Variants in TNRC18 observed in about 807,000 individuals in gnomAD.
TNRC18 encodes trinucleotide repeat-containing gene 18 protein.
TNRC18 carries 69 observed loss-of-function variants against 226.7 expected under a neutral mutation model. The observed-to-expected ratio is 0.30, with a 90% CI of 0.25 to 0.37. The LOEUF is 0.37. Ranked by LOEUF, TNRC18 falls within the 10% of genes least tolerant of loss-of-function variation. The pLI is 1.00. For missense variants in TNRC18, 4,754 were observed against 4,256.6 expected, an observed-to-expected ratio of 1.12 and a Z score of -3.25; for synonymous variants, 2,449 against 1,927.6, an observed-to-expected ratio of 1.27 and a Z score of -7.09.
Position 5,325,418 on chromosome 7 carries a change from G to GTT in TNRC18, c.6148-172_6148-171dup, listed in dbSNP as rs138438851. 444 of 589,122 alleles carry GTT rather than the reference G, an allele frequency of 7.5e-4. 1 individual carries two copies. Among genetic ancestry groups the GTT allele is most frequent in the African/African-American group, 3.1e-3 (151 of 48,192 alleles). The allele number at this position is 589,122 out of a possible 1,614,324, so 36.5% of individuals were successfully genotyped here. A position where few individuals can be genotyped will look rare whatever the true frequency, so the allele number is the denominator to read the frequency against. ...TTCCTGCAAGCGTTTTTGGTTTTGG[G>GTT]TTTTTTTTTGTTTTTTTTTTTTTGA... On this transcript the variant is annotated intron_variant, in intron 19 of 29. Coordinates refer to ENST00000430969, the MANE Select transcript of TNRC18 (RefSeq NM_001080495.3).
intron 29 of TNRC18, 144 bp from the exon 30 acceptor site, chr7:5,308,456 G>C (rs575806081): frequency 6.9e-5 from 51 of 738,540 alleles, no homozygotes; most frequent in African/African-American, 6.3e-4. Flanking sequence ...GGCTGAGTAA[G>C]AGACAGACCA....
chr7:5,365,706 A>G (rs6965837), intron 11 of TNRC18, among the ~76,000 whole-genome samples: 110,198 of 151,706 alleles, frequency 0.73, 41,304 homozygotes, highest in African/African-American at 0.92. Context: ...CTTCTGCCGC[A>G]GCCTCCCAAA....
chr7:5,412,575 C>CA (rs1450152858), intron 2 of TNRC18, among the ~76,000 whole-genome samples: 2 of 149,872 alleles, frequency 1.3e-5, no homozygotes, highest in Non-Finnish European at 2.9e-5. Flanking sequence ...GACACTGTCT[C>CA]AAAAAAATAA....
chr7:5,403,896 G>A (rs1781284507), intron 2 of TNRC18, among the ~76,000 whole-genome samples: 1 of 152,050 alleles, frequency 6.6e-6, no homozygotes, highest in Admixed American at 6.6e-5. Flanking sequence ...CATTATTCTG[G>A]CCCTAAACAC....
chr7:5,377,690 A>T lies in TNRC18; in HGVS notation c.2256-114T>A. The T allele has an allele frequency of 8.3e-7, 1 of 1,205,934 alleles. No homozygotes were observed. Among genetic ancestry groups the T allele is most frequent in the Non-Finnish European group, 1.2e-6 (1 of 860,852 alleles). The allele number at this position is 1,205,934 out of a possible 1,614,324, so 74.7% of individuals were successfully genotyped here. A position where few individuals can be genotyped will look rare whatever the true frequency, so the allele number is the denominator to read the frequency against. On this transcript the variant is annotated intron_variant, in intron 6 of 29. Coordinates refer to ENST00000430969, the MANE Select transcript of TNRC18 (RefSeq NM_001080495.3). This position sits in a 1 kb window ranked among gnomAD's most constrained non-coding sequence, Gnocchi z 5.8. ...CACCAGGCCATGAGTCAGGACAACC[A>T]CTGCTCGGAACTGAAGGGCCTCCCG...
chr7:5,405,891 C>T (rs778700642), intron 2 of TNRC18, among the ~76,000 whole-genome samples: 6 of 152,164 alleles, frequency 3.9e-5, no homozygotes, highest in Admixed American at 2.0e-4. Context: ...TCAAGAGACC[C>T]GTTTCTATTT....
chr7:5,380,904 A>C (rs1467270282), intron 5 of TNRC18, among the ~76,000 whole-genome samples: 1 of 152,078 alleles, frequency 6.6e-6, no homozygotes, highest in African/African-American at 2.4e-5. Flanking sequence ...TGAGGGGGCC[A>C]CCCTCACGCC....
Position 5,388,138 on chromosome 7 carries a change from C to G in TNRC18, c.1686G>C (p.Ala562=), listed in dbSNP as rs1418140491. 6.4e-7 allele frequency: 1 copy of G among 1,558,368 alleles called. No individual in the cohort carries two copies. The highest frequency in any genetic ancestry group is 1.2e-5 in the South Asian group (1 of 85,078). Residue 562 remains alanine (A), a synonymous_variant, in exon 5 of 30, where the codon GCG becomes GCC. Coordinates refer to ENST00000430969, the MANE Select transcript of TNRC18 (RefSeq NM_001080495.3). Reference sequence around the variant, plus strand: ...CAGCGACCGGCCGGCCGCAGGTGGCCGCCGAGCGGGGCAGCACAGCCCCAG... The same window carrying G: ...CAGCGACCGGCCGGCCGCAGGTGGCGGCCGAGCGGGGCAGCACAGCCCCAG... ...LDPGAVLPRS[A]ATCGRPVADM... is the part of the protein sequence containing the mutation.
In TNRC18 at chr7:5,324,940, T is replaced by C. The variant is rs1214269968; in HGVS notation, c.6300+156A>G. 6.6e-6 allele frequency among the ~76,000 whole-genome samples: 1 copy of C among 151,802 alleles called. No individual in the cohort carries two copies. The highest frequency in any genetic ancestry group is 1.5e-5 in the Non-Finnish European group (1 of 67,952). ...CCCCAGTATCTCCTTATCCCTGGAG[T>C]GTGGGGACGGCCACATCACCCTCGT... is the stretch of plus-strand genomic sequence containing the variant. On this transcript the variant is annotated intron_variant, in intron 20 of 29. Coordinates refer to ENST00000430969, the MANE Select transcript of TNRC18 (RefSeq NM_001080495.3). This position sits in a 1 kb window ranked among gnomAD's most constrained non-coding sequence, Gnocchi z 4.8.
At chr7:5,414,336 A>AT (rs1266347610) in intron 2 of TNRC18, among the ~76,000 whole-genome samples, 4 of 150,476 alleles carry the variant, frequency 2.7e-5, no homozygotes, top group Admixed American at 2.0e-4. Context: ...TAAAATAGAT[A>AT]TTTTTTCTTT....
At position 5,307,680 on chromosome 7, in the gene TNRC18, G is replaced by A. The variant is rs769538031; in HGVS notation, c.*426C>T. Reference sequence around the variant, plus strand: ...GTGGGCTCCATGCTAAGGGTGCTTGGGAAGCCCAGAGTGAGCGTCAGTTTG... The same window carrying A: ...GTGGGCTCCATGCTAAGGGTGCTTGAGAAGCCCAGAGTGAGCGTCAGTTTG... On this transcript the variant is annotated 3_prime_UTR_variant, in exon 30 of 30. Transcript: ENST00000430969. 3 of 339,582 alleles carry A rather than the reference G, an allele frequency of 8.8e-6. No individual in the cohort carries two copies. The highest frequency in any genetic ancestry group is 6.5e-5 in the South Asian group (3 of 45,936). The allele number at this position is 339,582 out of a possible 1,614,324, so 21.0% of individuals were successfully genotyped here. A position where few individuals can be genotyped will look rare whatever the true frequency, so the allele number is the denominator to read the frequency against.
At chr7:5,342,507 G>A (rs921630758) in intron 18 of TNRC18, among the ~76,000 whole-genome samples, 1 of 152,170 alleles carries the variant, frequency 6.6e-6, no homozygotes, top group Admixed American at 6.6e-5. Flanking sequence ...TTCACTGGAG[G>A]AAGTTACTGC....
rs1554297479 is a variant in TNRC18, at chr7:5,389,461, G to GGTTTTTTTTTTTTTTTT, written c.488-126_488-125insAAAAAAAAAAAAAAAAC. 41 of 565,558 alleles carry GGTTTTTTTTTTTTTTTT rather than the reference G, an allele frequency of 7.2e-5. No homozygotes were observed. The African/African-American group carries it at 1.0e-3, about 14-fold the overall frequency. 35.0% of individuals were successfully genotyped at this position (565,558 alleles called of 1,614,324 possible). A position where few individuals can be genotyped will look rare whatever the true frequency, so the allele number is the denominator to read the frequency against. ...TGCCTCCCCCAGTGTTTTGGTTTTG[G>GGTTTTTTTTTTTTTTTT]TTTTTTTTTTCAGAAAGAGTCTCGC... On this transcript the variant is annotated intron_variant, in intron 4 of 29. Transcript: ENST00000430969.
chr7:5,368,218 G>C (rs1179593585), intron 11 of TNRC18, among the ~76,000 whole-genome samples: 3 of 151,546 alleles, frequency 2.0e-5, no homozygotes, highest in East Asian at 3.9e-4. Flanking sequence ...TGTAATCCCA[G>C]CAATTTGGGA....
In TNRC18 at chr7:5,374,315, A is replaced by G. The variant is rs1794431562; in HGVS notation, c.2969T>C (p.Val990Ala). Residue 990 changes from valine (V) to alanine (A), a missense_variant, in exon 10 of 30, where the codon GTG becomes GCG. Coordinates refer to ENST00000430969, the MANE Select transcript of TNRC18 (RefSeq NM_001080495.3). ...AGPAGTYGKA[V>A]SPPPSPRASP... Reference sequence around the variant, plus strand: ...TGCGCGGGGTGATGGTGGCGGGCTCACGGCCTTGCCGTAGGTGCCCGCGGG... The same window carrying G: ...TGCGCGGGGTGATGGTGGCGGGCTCGCGGCCTTGCCGTAGGTGCCCGCGGG... 2 of 1,436,900 alleles carry G rather than the reference A, an allele frequency of 1.4e-6. No homozygotes were observed. Among genetic ancestry groups the G allele is most frequent in the East Asian group, 2.9e-5 (1 of 34,988 alleles). The allele number at this position is 1,436,900 out of a possible 1,614,324, so 89.0% of individuals were successfully genotyped here.
intron 17 of TNRC18, among the ~76,000 whole-genome samples, chr7:5,348,017 C>T (rs958646738): frequency 2.0e-5 from 3 of 152,184 alleles, no homozygotes; most frequent in African/African-American, 4.8e-5. Context: ...CCTCTCTGGT[C>T]GGTGACTTAA....
rs188474881 is a variant in TNRC18 at position 5,374,953 on chromosome 7, G to A, written c.2800-469C>T. On this transcript the variant is annotated intron_variant, in intron 9 of 29. Coordinates refer to ENST00000430969, the MANE Select transcript of TNRC18 (RefSeq NM_001080495.3). The stretch of plus-strand genomic sequence containing the variant: ...AGGAAGCCAGGCATGTCTTTTATGA[G>A]GAAATGGGAGGGAGTCAGCTCGGCG... Among the ~76,000 whole-genome samples, 707 of 152,360 alleles carry A rather than the reference G, an allele frequency of 4.6e-3. 2 individuals are homozygous for A. The highest frequency in any genetic ancestry group is 8.2e-3 in the Non-Finnish European group (559 of 68,044).
At chr7:5,382,363 G>A (rs1031267256) in intron 5 of TNRC18, among the ~76,000 whole-genome samples, 15 of 152,126 alleles carry the variant, frequency 9.9e-5, no homozygotes, top group African/African-American at 1.4e-4. Flanking sequence ...TGGGGTGAGG[G>A]TGTCCTGCAG....
At position 5,394,422 on chromosome 7, in the gene TNRC18, C is replaced by A; in HGVS notation, c.343+18G>T. The A allele has an allele frequency of 6.6e-7, 1 of 1,519,034 alleles. No homozygotes were observed. Among genetic ancestry groups the A allele is most frequent in the Non-Finnish European group, 8.8e-7 (1 of 1,133,866 alleles). The allele number at this position is 1,519,034 out of a possible 1,614,324, so 94.1% of individuals were successfully genotyped here. A position where few individuals can be genotyped will look rare whatever the true frequency, so the allele number is the denominator to read the frequency against. On this transcript the variant is annotated intron_variant, in intron 3 of 29. Coordinates refer to ENST00000430969, the MANE Select transcript of TNRC18 (RefSeq NM_001080495.3). The surrounding 1 kb of genome is among the most constrained non-coding windows in gnomAD (Gnocchi z 4.5). ...TCAGCCCAGCAGCCCTCAGCCCCGA[C>A]CCCGGCATGTTCCTTACCTTCATGG... is the stretch of plus-strand genomic sequence containing the variant.
Sources: gnomAD v4.1 joint callset for allele counts (sites outside exome capture counted in the v4.1 genomes callset) on GRCh38, gnomAD v4.1.1 for gene constraint, Gnocchi (gnomAD v3.1) non-coding constraint, MANE v1.5 for transcripts, NCBI Gene and HGNC (gene_info 2026-07-23, HGNC 2026-07-21) for gene names.